The following FREM1 variants were observed in gnomAD, a reference collection of about 807,000 sequenced individuals.
The protein encoded by FREM1 is FRAS1-related extracellular matrix protein 1.
In FREM1, 220 loss-of-function variants were observed where a neutral mutation model predicts 210.1. The ratio of observed to expected loss-of-function variants is 1.05; its 90% confidence interval spans 0.94 to 1.17. FREM1 has a LOEUF of 1.17. FREM1 is among the 50% of genes most tolerant of loss of function. The pLI, the probability that FREM1 is intolerant of heterozygous loss-of-function variation, is 0.00. For missense variants in FREM1, 3,454 were observed against 2,675.5 expected (o/e 1.29, Z -6.42); for synonymous variants, 1,189 against 980.2 (o/e 1.21, Z -3.98).
At chr9:14,813,104 G>C (rs756604298) in intron 15 of FREM1, 40 bp from the exon 16 acceptor site, 1 of 1,572,192 alleles carries the variant, frequency 6.4e-7, no homozygotes, top group East Asian at 2.3e-5. Context: ...GAAAAAGAAA[G>C]AAATGACAAA....
intron 10 of FREM1, among the ~76,000 whole-genome samples, chr9:14,835,158 C>G (rs149719873): frequency 6.6e-6 from 1 of 152,148 alleles, no homozygotes; most frequent in Non-Finnish European, 1.5e-5. Context: ...TTAAAGCAAA[C>G]TTTTTAACTT....
At chr9:14,804,298 A>C (rs1817929806) in intron 19 of FREM1, among the ~76,000 whole-genome samples, 1 of 152,148 alleles carries the variant, frequency 6.6e-6, no homozygotes, top group Admixed American at 6.5e-5. Context: ...AAACCATGAC[A>C]ACTTTGGCTG....
intron 3 of FREM1, among the ~76,000 whole-genome samples, chr9:14,860,151 T>TATGCTAATGCC (rs1411610001): frequency 6.6e-6 from 1 of 152,162 alleles, no homozygotes; most frequent in Admixed American, 6.5e-5. Flanking sequence ...GGCATTATGC[T>TATGCTAATGCC]AAATTCTCTA....
chr9:14,748,744 T>C, intron 30 of FREM1, 105 bp from the exon 31 acceptor site: 1 of 736,024 alleles, frequency 1.4e-6, no homozygotes, highest in Non-Finnish European at 2.3e-6. Flanking sequence ...CCTAGATGGA[T>C]GGTTTTCCCA....
chr9:14,759,956 G>A (rs974905136), intron 27 of FREM1, 55 bp from the exon 28 acceptor site: 45 of 1,451,970 alleles, frequency 3.1e-5, no homozygotes, highest in Non-Finnish European at 4.1e-5. Context: ...TGCCTATAGG[G>A]ATTCTCTGCT....
At chr9:14,835,341 T>A (rs977090860) in intron 10 of FREM1, among the ~76,000 whole-genome samples, 26 of 152,232 alleles carry the variant, frequency 1.7e-4, no homozygotes, top group Admixed American at 1.4e-3. Context: ...CTGTAAGTAC[T>A]CTTATGGCAA....
intron 36 of FREM1, among the ~76,000 whole-genome samples, chr9:14,738,475 A>T (rs1840812612): frequency 6.6e-6 from 1 of 152,182 alleles, no homozygotes; most frequent in Non-Finnish European, 1.5e-5. Context: ...CTGCCTAAGC[A>T]TATTGTGAGG....
At chr9:14,785,259 T>A (rs1436037222) in intron 23 of FREM1, among the ~76,000 whole-genome samples, 15 of 152,246 alleles carry the variant, frequency 9.9e-5, no homozygotes, top group Admixed American at 9.8e-4. Flanking sequence ...AGTAGTCAAA[T>A]GAATGAACTA....
At chr9:14,784,709 A>G in intron 23 of FREM1, 75 bp from the exon 24 acceptor site, 1 of 1,208,810 alleles carries the variant, frequency 8.3e-7, no homozygotes, top group Non-Finnish European at 1.1e-6. Context: ...GCAGAAGACA[A>G]AGGCCAAAAC....
chr9:14,867,174 G>A (rs1010448819), intron 2 of FREM1, among the ~76,000 whole-genome samples: 4 of 151,946 alleles, frequency 2.6e-5, no homozygotes, highest in Admixed American at 6.6e-5. Flanking sequence ...TTTTCCTTTC[G>A]ACCCCAGTCC....
At chr9:14,819,541 CAT>C (rs1405203042) in intron 13 of FREM1, 99 bp from the exon 14 acceptor site, 9 of 642,930 alleles carry the variant, frequency 1.4e-5, no homozygotes, top group Non-Finnish European at 2.3e-5. Flanking sequence ...ATTATCTTCA[CAT>C]GCAAACTAAT....
At chr9:14,822,181 G>A (rs904381629) in intron 13 of FREM1, among the ~76,000 whole-genome samples, 6 of 152,074 alleles carry the variant, frequency 3.9e-5, no homozygotes, top group South Asian at 2.1e-4. Flanking sequence ...CCCTAGCCAC[G>A]TGAAACTGTG....
chr9:14,757,920 A>G (rs992557645), intron 28 of FREM1, among the ~76,000 whole-genome samples: 8 of 152,188 alleles, frequency 5.3e-5, no homozygotes, highest in Non-Finnish European at 8.8e-5. Context: ...AAGGCAGCCC[A>G]TTATACACCT....
intron 1 of FREM1, among the ~76,000 whole-genome samples, chr9:14,881,866 G>A (rs1366954827): frequency 2.0e-5 from 3 of 152,208 alleles, no homozygotes; most frequent in Non-Finnish European, 4.4e-5. Context: ...CCTTTAAGAG[G>A]TAGTTACGGT....
intron 16 of FREM1, among the ~76,000 whole-genome samples, chr9:14,809,461 G>A (rs138294061): frequency 1.2e-4 from 19 of 152,184 alleles, no homozygotes; most frequent in Middle Eastern, 3.4e-3. Flanking sequence ...ATTATTTCCC[G>A]TTTAAAAATG....
chr9:14,890,323 G>A (rs1836577795), intron 1 of FREM1, among the ~76,000 whole-genome samples: 1 of 152,160 alleles, frequency 6.6e-6, no homozygotes, highest in Non-Finnish European at 1.5e-5. Context: ...ACCCTGCCAT[G>A]TTTTGCAAAC....
chr9:14,858,743 AC>A (rs1829269596), intron 4 of FREM1, among the ~76,000 whole-genome samples: 1 of 152,134 alleles, frequency 6.6e-6, no homozygotes, highest in South Asian at 2.1e-4. Context: ...TATCACTGCT[AC>A]CCACTAGCTT....
chr9:14,740,605 T>G (rs1300509778), intron 35 of FREM1, among the ~76,000 whole-genome samples: 1 of 152,196 alleles, frequency 6.6e-6, no homozygotes, highest in African/African-American at 2.4e-5. Flanking sequence ...TGGTATAAAT[T>G]TGGCAAATAC....
rs137887855 is a variant in FREM1, at chr9:14,890,745, G to C, written c.-268+19169C>G. 7.2e-3 allele frequency among the ~76,000 whole-genome samples: 1,089 copies of C among 152,258 alleles called. 10 individuals are homozygous for C. Among genetic ancestry groups the C allele is most frequent in the African/African-American group, 0.025 (1,031 of 41,534 alleles). On this transcript the variant is annotated intron_variant, in intron 1 of 36. Transcript: ENST00000380880. ...AACCAGACGTCTGCCTGTTTCTACA[G>C]AGGCCTTCTACTAAAACTACCTTCA... is the stretch of plus-strand genomic sequence containing the variant.
Sources: gnomAD v4.1 joint callset for allele counts (sites outside exome capture counted in the v4.1 genomes callset) on GRCh38, gnomAD v4.1.1 for gene constraint, MANE v1.5 for transcripts, NCBI Gene and HGNC (gene_info 2026-07-23, HGNC 2026-07-21) for gene names.